Variants in SLCO4A1 observed in about 807,000 individuals in gnomAD.
SLCO4A1 encodes the protein solute carrier organic anion transporter family member 4A1, also known as colon organic anion transporter.
In SLCO4A1, 51 loss-of-function variants were observed where a neutral mutation model predicts 64.6. That is an observed-to-expected ratio of 0.79 (90% CI 0.63 to 1.00). The LOEUF (loss-of-function observed/expected upper bound fraction) is 1.00. SLCO4A1 is among the 50% of genes least tolerant of loss of function. SLCO4A1 has a pLI of 0.00. For synonymous variants in SLCO4A1, 471 were observed against 444.9 expected (o/e 1.06, Z -0.74); for missense variants, 919 against 980.5 (o/e 0.94, Z 0.84).
chr20:62,642,718 G>T (rs1172344804), intron 1 of SLCO4A1, among the ~76,000 whole-genome samples, 165 bp downstream of exon 1: 4 of 152,102 alleles, frequency 2.6e-5, no homozygotes, highest in South Asian at 2.1e-4. Flanking sequence ...GCCTCTCCGC[G>T]GGGGAGGGCA....
chr20:62,679,267 C>G (rs1317574189), intron 2 of SLCO4A1, among the ~76,000 whole-genome samples: 1 of 152,170 alleles, frequency 6.6e-6, no homozygotes, highest in African/African-American at 2.4e-5. Context: ...CTATCTGTGT[C>G]CTGATGGTGG....
intron 7 of SLCO4A1, 177 bp from the exon 8 acceptor site, chr20:62,667,568 C>T: frequency 1.4e-6 from 1 of 692,846 alleles, no homozygotes; most frequent in East Asian, 2.7e-5. Context: ...CATTCTATCA[C>T]CAGAAGGCAG....
In SLCO4A1 at chr20:62,661,028, C is replaced by CAGCCCCG. The variant is rs750234287; in HGVS notation, c.1010-30_1010-29insGAGCCCC. On this transcript the variant is annotated intron_variant, in intron 4 of 11. Transcript: ENST00000217159. This position sits in a 1 kb window ranked among gnomAD's most constrained non-coding sequence, Gnocchi z 5.2. ...GGAGAAGTCCACCTCCGGGAGCCCC[C>CAGCCCCG]AGCCCCCAGCCCCAGCTCACTCTGT... is the stretch of plus-strand genomic sequence containing the variant. 1.1e-6 allele frequency: 1 copy of CAGCCCCG among 871,004 alleles called. No individual in the cohort carries two copies. Among genetic ancestry groups the CAGCCCCG allele is most frequent in the African/African-American group, 1.6e-5 (1 of 63,100 alleles). The allele number at this position is 871,004 out of a possible 1,614,324, so 54.0% of individuals were successfully genotyped here.
At chr20:62,667,418 T>G in intron 7 of SLCO4A1, 1 of 286,898 alleles carries the variant, frequency 3.5e-6, no homozygotes, top group East Asian at 6.1e-5. Context: ...ACTTGGCGCT[T>G]TTTCTTTCCT....
intron 2 of SLCO4A1, among the ~76,000 whole-genome samples, chr20:62,683,890 C>T (rs6010862): frequency 0.16 from 23,687 of 149,062 alleles, 2,078 homozygotes; most frequent in East Asian, 0.31. Context: ...CACGTGACCA[C>T]GCGCTTCCCA....
chr20:62,658,818 T>C, intron 3 of SLCO4A1, 51 bp downstream of exon 3: 1 of 1,460,218 alleles, frequency 6.8e-7, no homozygotes. Flanking sequence ...CACGTGTCTC[T>C]GGAAGGGGGT....
At position 62,667,813 on chromosome 20, in the gene SLCO4A1, A is replaced by G. The variant is rs768712424; in HGVS notation, c.1541A>G (p.His514Arg). The change falls in exon 8 of 12, where the codon CAC becomes CGC. Residue 514 changes from histidine (H) to arginine (R), a missense_variant. Transcript: ENST00000217159. The part of the protein sequence containing the change: ...CNAACSCQPE[H>R]YSPVCGSDGL... ...GCTGCCTGCAGCTGCCAGCCAGAACACTACAGCCCTGTGTGCGGCTCGGAC... is the reference window on the plus strand; with the variant it reads ...GCTGCCTGCAGCTGCCAGCCAGAACGCTACAGCCCTGTGTGCGGCTCGGAC... The G allele has an allele frequency of 6.2e-7, 1 of 1,612,942 alleles. No homozygotes were observed. Among genetic ancestry groups the G allele is most frequent in the Admixed American group, 1.7e-5 (1 of 60,026 alleles).
chr20:62,667,000 C>G (rs1986469753), intron 7 of SLCO4A1, among the ~76,000 whole-genome samples: 1 of 152,204 alleles, frequency 6.6e-6, no homozygotes, highest in African/African-American at 2.4e-5. Context: ...AGGGAATATC[C>G]AAAATACACG....
rs145175877 is a variant in SLCO4A1 at position 62,665,012 on chromosome 20, C to T, written c.1200C>T (p.Thr400=). The change falls in exon 6 of 12, where the codon ACC becomes ACT. Residue 400 remains threonine (T), a synonymous_variant. Coordinates refer to ENST00000217159, the MANE Select transcript of SLCO4A1 (RefSeq NM_016354.4). ...GGGCCACCGAGGCCACTCTCATCAC[C>T]GGCATGTCCACGTTCAGCCCCAAGT... The part of the protein sequence containing the change: ...LAGATEATLI[T]GMSTFSPKFL... The T allele has an allele frequency of 1.2e-3, 1,914 of 1,613,962 alleles. 21 individuals carry two copies. The African/African-American group carries it at 0.022, about 18-fold the overall frequency.
intron 2 of SLCO4A1, among the ~76,000 whole-genome samples, chr20:62,678,678 C>T (rs1987698008): frequency 6.6e-6 from 1 of 151,964 alleles, no homozygotes; most frequent in African/African-American, 2.4e-5. Flanking sequence ...ACCCAAATGT[C>T]CTCTAGGAAG....
chr20:62,657,748 A>G (rs1984003220), intron 2 of SLCO4A1, among the ~76,000 whole-genome samples: 1 of 152,156 alleles, frequency 6.6e-6, no homozygotes, highest in South Asian at 2.1e-4. Context: ...GAGCCCTGAG[A>G]CCACACCCAC....
At chr20:62,689,045 C>T (rs975013247), downstream of SLCO4A1, among the ~76,000 whole-genome samples, 11 of 152,196 alleles carry the variant, frequency 7.2e-5, no homozygotes, top group Admixed American at 5.9e-4. Flanking sequence ...AGCAGGTGGC[C>T]GGAGGCGCCC....
At position 62,685,230 on chromosome 20, in the gene SLCO4A1, CG is replaced by C. The variant is rs908509124; in HGVS notation, n.212-207del. Among the ~76,000 whole-genome samples, 11 of 30,950 alleles carry C rather than the reference CG, an allele frequency of 3.6e-4. No homozygotes were observed. Among genetic ancestry groups the C allele is most frequent in the Non-Finnish European group, 5.1e-4 (8 of 15,794 alleles). The allele number at this position is 30,950 out of a possible 152,430, so 20.3% of individuals were successfully genotyped here. ...GCAGGCGGGCAGGGGAGGGTGGCAGCGGGGTGTGGGGGCAGGAGGAGGGGGG... is the reference window on the plus strand; with the variant it reads ...GCAGGCGGGCAGGGGAGGGTGGCAGCGGGTGTGGGGGCAGGAGGAGGGGGG... On this transcript the variant is annotated intron_variant and non_coding_transcript_variant, in intron 2 of 2. Coordinates refer to the SLCO4A1 transcript ENST00000466818. This position sits in a 1 kb window ranked among gnomAD's most constrained non-coding sequence, Gnocchi z 4.6.
At chr20:62,652,951 C>G (rs1294191492) in intron 1 of SLCO4A1, among the ~76,000 whole-genome samples, 1 of 152,230 alleles carries the variant, frequency 6.6e-6, no homozygotes, top group Non-Finnish European at 1.5e-5. Context: ...GCTCTGGGGC[C>G]AGACTGCGGG....
intron 3 of SLCO4A1, among the ~76,000 whole-genome samples, chr20:62,659,075 T>C (rs1984296875): frequency 6.6e-6 from 1 of 152,246 alleles, no homozygotes; most frequent in Non-Finnish European, 1.5e-5. Context: ...CTGTTTCTTT[T>C]CCTTTCTTTG....
chr20:62,661,149 T>C lies in SLCO4A1; in HGVS notation c.1095T>C (p.Phe365=). ...GTGGGGAGGCGAGCAACCCGGACTT[T>C]GGGAAAACCATCAGAGACCTGCCTC... The part of the protein sequence containing the change: ...SSRGEASNPD[F]GKTIRDLPLS... The change falls in exon 5 of 12, where the codon TTT becomes TTC. Residue 365 remains phenylalanine (F), a synonymous_variant. Coordinates refer to ENST00000217159, the MANE Select transcript of SLCO4A1 (RefSeq NM_016354.4). The surrounding 1 kb of genome is among the most constrained non-coding windows in gnomAD (Gnocchi z 5.2). 1 of 1,608,670 alleles carries C rather than the reference T, an allele frequency of 6.2e-7. No homozygotes were observed. The highest frequency in any genetic ancestry group is 8.5e-7 in the Non-Finnish European group (1 of 1,176,852).
At position 62,661,124 on chromosome 20, in the gene SLCO4A1, G is replaced by A. The variant is rs1295630924; in HGVS notation, c.1070G>A (p.Arg357His). ...ATGCACCAGTTGAAGGACAGCAGCC[G>A]TGGGGAGGCGAGCAACCCGGACTTT... ...AEMHQLKDSSRGEASNPDFGK... is the reference protein window; with the variant it reads ...AEMHQLKDSSHGEASNPDFGK... Residue 357 changes from arginine (R) to histidine (H), a missense_variant, in exon 5 of 12, where the codon CGT (arginine) becomes CAT (histidine). Coordinates refer to ENST00000217159, the MANE Select transcript of SLCO4A1 (RefSeq NM_016354.4). The surrounding 1 kb of genome is among the most constrained non-coding windows in gnomAD (Gnocchi z 5.2). 9.5e-6 allele frequency: 15 copies of A among 1,585,680 alleles called. No individual in the cohort carries two copies. The highest frequency in any genetic ancestry group is 2.7e-5 in the African/African-American group (2 of 74,168).
chr20:62,685,421 T>C lies in SLCO4A1; in HGVS notation n.212-20T>C. ...CCAAGCGGGCTGTTTTCTTGCTTTGTTTGTTGTTTTTTTCTTAAGGAAGAA... is the reference window on the plus strand; with the variant it reads ...CCAAGCGGGCTGTTTTCTTGCTTTGCTTGTTGTTTTTTTCTTAAGGAAGAA... On this transcript the variant is annotated intron_variant and non_coding_transcript_variant, in intron 2 of 2. Transcript: ENST00000466818. This position sits in a 1 kb window ranked among gnomAD's most constrained non-coding sequence, Gnocchi z 4.6. The C allele has an allele frequency of 1.0e-6, 1 of 984,472 alleles. No homozygotes were observed. Among genetic ancestry groups the C allele is most frequent in the Non-Finnish European group, 1.2e-6 (1 of 829,048 alleles). The allele number at this position is 984,472 out of a possible 1,614,324, so 61.0% of individuals were successfully genotyped here.
chr20:62,653,397 A>C lies in SLCO4A1; in HGVS notation c.-96-2962A>C, dbSNP rs1038311943. On this transcript the variant is annotated intron_variant, in intron 1 of 11. Transcript: ENST00000217159. ...CCCATGGCCTGCTCCCGGCCTGACC[A>C]TGCTGGGCCCGGTTTATCTGCCTTC... Among the ~76,000 whole-genome samples the C allele has an allele frequency of 3.9e-5, 6 of 152,208 alleles. No homozygotes were observed. The South Asian group carries it at 1.2e-3, about 31-fold the overall frequency.
Sources: allele counts gnomAD v4.1 joint callset (sites outside exome capture counted in the v4.1 genomes callset), GRCh38; gene constraint gnomAD v4.1.1; non-coding constraint Gnocchi (gnomAD v3.1); transcripts MANE v1.5; gene names NCBI Gene and HGNC (gene_info 2026-07-23, HGNC 2026-07-21).